FSIP1: variants seen among roughly 807,000 people sequenced by gnomAD.
The protein encoded by FSIP1 is fibrous sheath-interacting protein 1.
Under a neutral mutation model 60.9 loss-of-function variants are expected in FSIP1, and 65 were observed. That is an observed-to-expected ratio of 1.07 (90% CI 0.87 to 1.31). The LOEUF (loss-of-function observed/expected upper bound fraction) is 1.31, where lower values mean the gene tolerates loss of function less well. Among genes scored for constraint, FSIP1 ranks in the 40% most tolerant of loss-of-function variants. The pLI, the probability that FSIP1 is intolerant of heterozygous loss-of-function variation, is 0.00. For synonymous variants in FSIP1, 209 were observed against 221.2 expected, an observed-to-expected ratio of 0.94 and a Z score of 0.49; for missense variants, 675 against 665.5, an observed-to-expected ratio of 1.01 and a Z score of -0.16.
intron 5 of FSIP1, among the ~76,000 whole-genome samples, chr15:39,753,828 G>A (rs1897232477): frequency 6.6e-6 from 1 of 151,764 alleles, no homozygotes; most frequent in Non-Finnish European, 1.5e-5. Flanking sequence ...TGTACAAATA[G>A]AAAACAAATT....
chr15:39,645,819 C>T (rs1184835608), intron 10 of FSIP1, among the ~76,000 whole-genome samples: 1 of 152,208 alleles, frequency 6.6e-6, no homozygotes, highest in Non-Finnish European at 1.5e-5. Flanking sequence ...GCTCCAATCT[C>T]GGAGCGGGGT....
downstream of FSIP1, chr15:39,597,548 T>G (rs1466529045): frequency 6.6e-6 from 1 of 152,138 alleles, no homozygotes; most frequent in African/African-American, 2.4e-5. Flanking sequence ...TAAATCAATA[T>G]AGCATATACA....
intron 10 of FSIP1, among the ~76,000 whole-genome samples, chr15:39,708,228 T>C (rs544299977): frequency 1.3e-5 from 2 of 152,248 alleles, no homozygotes; most frequent in Non-Finnish European, 2.9e-5. Context: ...CCCTGACATG[T>C]GAAAAGAGCT....
intron 11 of FSIP1, 112 bp from the exon 12 acceptor site, chr15:39,601,038 T>G (rs1032705616): frequency 1.2e-5 from 9 of 776,280 alleles, no homozygotes; most frequent in Non-Finnish European, 1.7e-5. Flanking sequence ...GAGGCAATAA[T>G]CACACTCTCA....
At chr15:39,764,046 G>A (rs1394557172) in intron 4 of FSIP1, 132 bp from the exon 5 acceptor site, 2 of 577,632 alleles carry the variant, frequency 3.5e-6, no homozygotes, top group African/African-American at 3.8e-5. Flanking sequence ...TTTTTTTGAG[G>A]AAATCTGTAA....
chr15:39,675,051 AG>A (rs570269364), intron 10 of FSIP1, among the ~76,000 whole-genome samples: 8 of 151,918 alleles, frequency 5.3e-5, no homozygotes, highest in South Asian at 2.1e-4. Context: ...TTTTTTTTAA[AG>A]GGGGGGTGGA....
chr15:39,740,617 C>G (rs544729681), intron 6 of FSIP1, among the ~76,000 whole-genome samples: 1 of 152,144 alleles, frequency 6.6e-6, no homozygotes, highest in Non-Finnish European at 1.5e-5. Context: ...AAAAAAACAC[C>G]AGTCACAAGC....
chr15:39,746,192 A>C lies in FSIP1; in HGVS notation c.560-4292T>G, dbSNP rs553280879. Among the ~76,000 whole-genome samples, 7 of 152,330 alleles carry C rather than the reference A, an allele frequency of 4.6e-5. No individual in the cohort carries two copies. The South Asian group carries it at 1.5e-3, about 32-fold the overall frequency. ...CAGAATCTGGAAAAAATTGCCACCA[A>C]CACAAATGATAGAAAGGGAAAGAGA... On this transcript the variant is annotated intron_variant, in intron 5 of 11. Transcript: ENST00000350221.
chr15:39,688,353 A>G (rs1354887503), intron 10 of FSIP1, among the ~76,000 whole-genome samples: 1 of 152,200 alleles, frequency 6.6e-6, no homozygotes, highest in Non-Finnish European at 1.5e-5. Context: ...TACCTTAAAC[A>G]TGCTCAGAAC....
At chr15:39,599,421 C>A (rs1246851352), downstream of FSIP1, 1 of 152,136 alleles carries the variant, frequency 6.6e-6, no homozygotes, top group Non-Finnish European at 1.5e-5. Context: ...CAGAAGCAAA[C>A]TATAAAGTCA....
In FSIP1 at chr15:39,741,846, G is replaced by A. The variant is rs1344003236; in HGVS notation, c.614C>T (p.Pro205Leu). ...TFSSVFHTQI[P>L]PEEYEMQMQK... ...CATCTGCATTTCATATTCTTCTGGA[G>A]GGATTTGAGTATGAAACACTGAGGA... The change falls in exon 6 of 12, where the codon CCT becomes CTT. Residue 205 changes from proline (P) to leucine (L), a missense_variant. Physicochemically the swap from Pro to Leu is moderately conservative, Grantham distance 98. Transcript: ENST00000350221. 6.2e-7 allele frequency: 1 copy of A among 1,606,296 alleles called. No homozygotes were observed. Among genetic ancestry groups the A allele is most frequent in the Admixed American group, 1.7e-5 (1 of 59,996 alleles).
intron 10 of FSIP1, among the ~76,000 whole-genome samples, chr15:39,698,741 A>G (rs1405884868): frequency 2.0e-5 from 3 of 152,214 alleles, no homozygotes; most frequent in African/African-American, 2.4e-5. Context: ...CAGGGCAAAC[A>G]CACTAAAGTG....
At chr15:39,614,086 G>A (rs533647688) in intron 11 of FSIP1, among the ~76,000 whole-genome samples, 29 of 151,916 alleles carry the variant, frequency 1.9e-4, no homozygotes, top group South Asian at 1.0e-3. Flanking sequence ...CCAGAGTTAC[G>A]CAAGAAAAAC....
chr15:39,710,769 G>A (rs1906156), intron 10 of FSIP1, among the ~76,000 whole-genome samples: 90,176 of 152,086 alleles, frequency 0.59, 28,753 homozygotes, highest in Non-Finnish European at 0.74. Context: ...CCTCTCTTTC[G>A]CTCCATTTCT....
At position 39,642,058 on chromosome 15, in the gene FSIP1, G is replaced by A. The variant is rs1892392371; in HGVS notation, c.1189-23813C>T. On this transcript the variant is annotated intron_variant, in intron 10 of 11. Transcript: ENST00000350221. ...TTGATATTTTGCTATAAAGCCTCCA[G>A]TTTGAACGTTCTACTTGTCAAGAGT... is the stretch of plus-strand genomic sequence containing the variant. Among the ~76,000 whole-genome samples, 6 of 152,110 alleles carry A rather than the reference G, an allele frequency of 3.9e-5. No individual in the cohort carries two copies. In the South Asian group the frequency reaches 1.2e-3, roughly 32 times the overall value.
chr15:39,630,570 T>C (rs565340967), intron 10 of FSIP1, among the ~76,000 whole-genome samples: 38 of 152,308 alleles, frequency 2.5e-4, no homozygotes, highest in African/African-American at 9.1e-4. Context: ...GACCATCTAC[T>C]ATGCACCACA....
At chr15:39,671,064 T>C (rs535461898) in intron 10 of FSIP1, among the ~76,000 whole-genome samples, 8 of 152,332 alleles carry the variant, frequency 5.3e-5, no homozygotes, top group Admixed American at 1.3e-4. Flanking sequence ...TTTTTATTAA[T>C]GTGTAATCAT....
chr15:39,694,829 AAG>A (rs1383244928), intron 10 of FSIP1, among the ~76,000 whole-genome samples: 30 of 152,062 alleles, frequency 2.0e-4, no homozygotes, highest in African/African-American at 6.7e-4. Flanking sequence ...AAATAAAAAA[AAG>A]ATATATATAT....
intron 10 of FSIP1, among the ~76,000 whole-genome samples, chr15:39,638,338 A>T (rs1014206470): frequency 6.6e-6 from 1 of 152,234 alleles, no homozygotes; most frequent in African/African-American, 2.4e-5. Context: ...CTAAGAGGAG[A>T]GCCAATGGAG....
Sources: gnomAD v4.1 joint callset for allele counts (sites outside exome capture counted in the v4.1 genomes callset) on GRCh38, gnomAD v4.1.1 for gene constraint, MANE v1.5 for transcripts, NCBI Gene and HGNC (gene_info 2026-07-23, HGNC 2026-07-21) for gene names.